The following PRR5L variants were observed in gnomAD, a reference collection of about 807,000 sequenced individuals.
The protein encoded by PRR5L is proline-rich protein 5-like.
A neutral mutation model predicts 36.4 loss-of-function variants in PRR5L; 21 were observed. The ratio of observed to expected loss-of-function variants is 0.58; its 90% confidence interval spans 0.41 to 0.83. The LOEUF is 0.83. PRR5L is among the 40% of genes least tolerant of loss of function. The pLI, the probability that PRR5L is intolerant of heterozygous loss-of-function variation, is 0.00. For missense variants in PRR5L, 381 were observed against 473.3 expected (o/e 0.80, Z 1.81); for synonymous variants, 188 against 197.0 (o/e 0.95, Z 0.38).
At chr11:36,456,829 G>A (rs1395289436) in intron 8 of PRR5L, among the ~76,000 whole-genome samples, 1 of 152,252 alleles carries the variant, frequency 6.6e-6, no homozygotes, top group Non-Finnish European at 1.5e-5. Context: ...GTACACAAGT[G>A]TGCTGGGCTC....
At chr11:36,337,884 AGTTCAGAGGTC>A (rs1856783778) in intron 1 of PRR5L, among the ~76,000 whole-genome samples, 1 of 152,262 alleles carries the variant, frequency 6.6e-6, no homozygotes, top group Non-Finnish European at 1.5e-5. Context: ...AATGTGAAAC[AGTTCAGAGGTC>A]AGATGTCCCA....
At position 36,377,117 on chromosome 11, in the gene PRR5L, C is replaced by G. The variant is rs1009267908; in HGVS notation, c.-125-23880C>G. Among the ~76,000 whole-genome samples, 10 of 152,210 alleles carry G rather than the reference C, an allele frequency of 6.6e-5. No individual in the cohort carries two copies. Among genetic ancestry groups the G allele is most frequent in the African/African-American group, 2.2e-4 (9 of 41,466 alleles). ...CCCTCTGGGGGGCAAATCTAAAGAG[C>G]TGACCCCGCTTAAGCACGGGAGATT... On this transcript the variant is annotated intron_variant, in intron 1 of 8. Transcript: ENST00000530639. The surrounding 1 kb of genome is among the most constrained non-coding windows in gnomAD (Gnocchi z 5.1).
chr11:36,355,767 T>C (rs1177804941), intron 1 of PRR5L, among the ~76,000 whole-genome samples: 2 of 152,068 alleles, frequency 1.3e-5, no homozygotes, highest in African/African-American at 4.8e-5. Context: ...TTCACCATGT[T>C]GGCCAGTCTG....
chr11:36,445,585 C>T (rs994363546), intron 6 of PRR5L, among the ~76,000 whole-genome samples: 8 of 151,944 alleles, frequency 5.3e-5, no homozygotes, highest in African/African-American at 1.9e-4. Flanking sequence ...GGGTTTGAAA[C>T]GCAGCTGTAC....
At chr11:36,353,273 T>A (rs1211902214) in intron 1 of PRR5L, among the ~76,000 whole-genome samples, 1 of 152,088 alleles carries the variant, frequency 6.6e-6, no homozygotes, top group East Asian at 1.9e-4. Context: ...GAGGAGTGGG[T>A]GTGGAGGGAC....
At chr11:36,438,611 A>G (rs7943771) in intron 6 of PRR5L, among the ~76,000 whole-genome samples, 77,108 of 151,966 alleles carry the variant, frequency 0.51, 21,017 homozygotes, top group Non-Finnish European at 0.59. Context: ...GCCATCAGTA[A>G]GTCTTGTCTC....
At chr11:36,447,073 G>A (rs1450755268) in intron 7 of PRR5L, among the ~76,000 whole-genome samples, 2 of 152,208 alleles carry the variant, frequency 1.3e-5, no homozygotes, top group African/African-American at 4.8e-5. Flanking sequence ...GCTGCCTAGT[G>A]TCACTCAATC....
chr11:36,374,609 C>T (rs977064266), intron 1 of PRR5L, among the ~76,000 whole-genome samples: 1 of 152,126 alleles, frequency 6.6e-6, no homozygotes, highest in African/African-American at 2.4e-5. Context: ...TCCCTGCAGC[C>T]GGGTAGAACT....
intron 8 of PRR5L, among the ~76,000 whole-genome samples, chr11:36,458,812 C>A (rs1178675895): frequency 6.6e-6 from 1 of 152,212 alleles, no homozygotes; most frequent in Non-Finnish European, 1.5e-5. Context: ...GTGGGGTGTT[C>A]CCCCTCCTGT....
intron 1 of PRR5L, among the ~76,000 whole-genome samples, chr11:36,351,342 A>C (rs1262350224): frequency 2.3e-5 from 1 of 42,704 alleles, no homozygotes; most frequent in Non-Finnish European, 4.1e-5. Flanking sequence ...ATATATTTAT[A>C]ATATATAATA....
chr11:36,331,468 A>G (rs1856718231), intron 1 of PRR5L, among the ~76,000 whole-genome samples: 1 of 152,230 alleles, frequency 6.6e-6, no homozygotes, highest in Admixed American at 6.5e-5. Context: ...ATAAACAAAA[A>G]CATGATAAAG....
rs539260005 is a variant in PRR5L at position 36,371,205 on chromosome 11, T to G, written c.-125-29792T>G. On this transcript the variant is annotated intron_variant, in intron 1 of 8. Transcript: ENST00000530639. ...TTCTCCCAAAAAGCAGACTTCAGGGTTCTCAATTTTTCTACTGTGGAAGTT... is the reference window on the plus strand; with the variant it reads ...TTCTCCCAAAAAGCAGACTTCAGGGGTCTCAATTTTTCTACTGTGGAAGTT... Among the ~76,000 whole-genome samples, 22 of 152,232 alleles carry G rather than the reference T, an allele frequency of 1.4e-4. 1 individual carries two copies. The South Asian group carries it at 4.6e-3, about 32-fold the overall frequency.
intron 1 of PRR5L, among the ~76,000 whole-genome samples, chr11:36,345,358 C>A (rs1294475204): frequency 6.6e-6 from 1 of 152,034 alleles, no homozygotes; most frequent in East Asian, 1.9e-4. Flanking sequence ...GGGTAACCTG[C>A]CATAGGGAAC....
chr11:36,366,825 C>G (rs1857148839), intron 1 of PRR5L, among the ~76,000 whole-genome samples: 1 of 152,084 alleles, frequency 6.6e-6, no homozygotes, highest in African/African-American at 2.4e-5. Flanking sequence ...CTTGAATAGC[C>G]TAAATAAACT....
intron 1 of PRR5L, among the ~76,000 whole-genome samples, chr11:36,352,327 A>G (rs540107488): frequency 2.6e-4 from 39 of 150,492 alleles, no homozygotes; most frequent in African/African-American, 9.0e-4. Flanking sequence ...AGTTCCTTGT[A>G]GATTCTGGAC....
intron 6 of PRR5L, 106 bp from the exon 7 acceptor site, chr11:36,446,194 C>T (rs964141408): frequency 6.2e-6 from 8 of 1,285,370 alleles, no homozygotes. Context: ...GACGCCTCAT[C>T]CCATCTTTGG....
chr11:36,441,244 C>T (rs902386797), intron 6 of PRR5L, among the ~76,000 whole-genome samples: 5 of 152,178 alleles, frequency 3.3e-5, no homozygotes, highest in Admixed American at 6.5e-5. Flanking sequence ...AAGTTCCTTG[C>T]ACCTACGAGC....
chr11:36,316,302 T>C (rs1003899121), intron 1 of PRR5L, among the ~76,000 whole-genome samples: 2 of 152,226 alleles, frequency 1.3e-5, no homozygotes, highest in Non-Finnish European at 2.9e-5. Flanking sequence ...GCTCCTTCTT[T>C]AACCATCTGA....
intron 6 of PRR5L, among the ~76,000 whole-genome samples, chr11:36,438,830 G>C (rs1321724509): frequency 2.0e-5 from 3 of 152,090 alleles, no homozygotes; most frequent in Non-Finnish European, 1.5e-5. Context: ...AGGTACTAGG[G>C]AAGCTGAAGT....
Sources: allele counts gnomAD v4.1 joint callset (sites outside exome capture counted in the v4.1 genomes callset), GRCh38; gene constraint gnomAD v4.1.1; non-coding constraint Gnocchi (gnomAD v3.1); transcripts MANE v1.5; gene names NCBI Gene and HGNC (gene_info 2026-07-23, HGNC 2026-07-21).